Variants in CRACR2A observed in about 807,000 individuals in gnomAD.
The protein encoded by CRACR2A is calcium release activated channel regulator 2A, also known as EF-hand calcium-binding domain-containing protein 4B.
Under a neutral mutation model 90.5 loss-of-function variants are expected in CRACR2A, and 79 were observed. The observed-to-expected ratio is 0.87, with a 90% CI of 0.73 to 1.05. The LOEUF is 1.05. Ranked by LOEUF, CRACR2A falls within the 50% of genes least tolerant of loss-of-function variation. The pLI is 0.00. For missense variants in CRACR2A, 823 were observed against 897.2 expected, an observed-to-expected ratio of 0.92 and a Z score of 1.06; for synonymous variants, 338 against 356.7, an observed-to-expected ratio of 0.95 and a Z score of 0.59.
Position 3,678,934 on chromosome 12 carries a change from C to T in CRACR2A, c.505G>A (p.Ala169Thr). ...ACTTACTCTTCCAACACCTTTTGGG[C>T]TCCAAGTCTGTCCATCAGCATCCGG... ...QFRMLMDRLG[A>T]QKVLEDESDV... Residue 169 changes from alanine to threonine, a missense_variant, in exon 6 of 20, where the codon GCC (alanine) becomes ACC (threonine). By Grantham distance (58) the Ala-to-Thr change is moderately conservative. Coordinates refer to ENST00000440314, the MANE Select transcript of CRACR2A (RefSeq NM_001144958.2). 1 of 1,610,030 alleles carries T rather than the reference C, an allele frequency of 6.2e-7. No homozygotes were observed. The highest frequency in any genetic ancestry group is 8.5e-7 in the Non-Finnish European group (1 of 1,178,442).
Position 3,627,716 on chromosome 12 carries a change from G to A in CRACR2A, c.1736-10C>T, listed in dbSNP as rs1442994594. 1.9e-5 allele frequency: 29 copies of A among 1,551,616 alleles called. No homozygotes were observed. Among genetic ancestry groups the A allele is most frequent in the Non-Finnish European group, 2.4e-5 (28 of 1,146,980 alleles). On this transcript the variant is annotated splice_polypyrimidine_tract_variant and intron_variant, in intron 15 of 19. Transcript: ENST00000440314. ...ACACGGTAATCAATGCCTGCAGGGT[G>A]AAATGGGCCTGTCAGGGCTGCCCTG...
chr12:3,733,907 ACACAC>A (rs1591719958), intron 1 of CRACR2A, among the ~76,000 whole-genome samples: 2 of 141,490 alleles, frequency 1.4e-5, no homozygotes, highest in African/African-American at 2.6e-5. Context: ...ACACACACAC[ACACAC>A]TTTTCTCTCC....
intron 2 of CRACR2A, among the ~76,000 whole-genome samples, chr12:3,722,233 G>A (rs1376277594): frequency 6.6e-6 from 1 of 152,146 alleles, no homozygotes; most frequent in Non-Finnish European, 1.5e-5. Context: ...TTATTTTGCA[G>A]GTTATAAGGA....
chr12:3,736,772 C>T (rs552294841), intron 1 of CRACR2A, among the ~76,000 whole-genome samples: 55 of 152,238 alleles, frequency 3.6e-4, no homozygotes, highest in African/African-American at 1.3e-3. Context: ...AGATGGAGAA[C>T]GTTTAACGAA....
In CRACR2A at chr12:3,641,602, A is replaced by G. The variant is rs1011099523; in HGVS notation, c.1271+130T>C. The G allele has an allele frequency of 2.0e-5, 14 of 705,418 alleles. No individual in the cohort carries two copies. In the South Asian group the frequency reaches 2.5e-4, roughly 13 times the overall value. 43.7% of individuals were successfully genotyped at this position (705,418 alleles called of 1,614,324 possible). A position where few individuals can be genotyped will look rare whatever the true frequency, so the allele number is the denominator to read the frequency against. On this transcript the variant is annotated intron_variant, in intron 13 of 19. Transcript: ENST00000440314. ...GGAGGGGCATGTGTTCCAAGATTTG[A>G]GGGGAGTGAGTGCAGCTGACCTCAG...
At chr12:3,747,560 G>A (rs1297235864) in intron 1 of CRACR2A, among the ~76,000 whole-genome samples, 2 of 152,138 alleles carry the variant, frequency 1.3e-5, no homozygotes, top group African/African-American at 2.4e-5. Context: ...ACAAATCCTG[G>A]ACCTCAATGC....
chr12:3,654,005 G>A (rs1944847781), intron 10 of CRACR2A, among the ~76,000 whole-genome samples: 1 of 152,192 alleles, frequency 6.6e-6, no homozygotes, highest in Non-Finnish European at 1.5e-5. Flanking sequence ...TACATTTCTT[G>A]TCAATCCTAG....
intron 1 of CRACR2A, among the ~76,000 whole-genome samples, chr12:3,739,911 C>A (rs1033674957): frequency 7.1e-6 from 1 of 141,552 alleles, no homozygotes; most frequent in Non-Finnish European, 1.5e-5. Flanking sequence ...TCCAGCCTGG[C>A]GACAGAGCGA....
At chr12:3,690,879 C>G (rs1374623756) in intron 4 of CRACR2A, among the ~76,000 whole-genome samples, 1 of 152,146 alleles carries the variant, frequency 6.6e-6, no homozygotes, top group Non-Finnish European at 1.5e-5. Flanking sequence ...ATAGTTAGGT[C>G]TTCTTATTGA....
At chr12:3,722,820 C>A (rs558074495) in intron 2 of CRACR2A, among the ~76,000 whole-genome samples, 31 of 152,306 alleles carry the variant, frequency 2.0e-4, no homozygotes, top group African/African-American at 7.5e-4. Context: ...CTGGCTCTGA[C>A]TACAAATGTA....
intron 12 of CRACR2A, among the ~76,000 whole-genome samples, chr12:3,643,433 C>T (rs1471406704): frequency 6.6e-6 from 1 of 152,112 alleles, no homozygotes; most frequent in Non-Finnish European, 1.5e-5. Flanking sequence ...ACTTTCCTCG[C>T]GTGACAGCGG....
intron 4 of CRACR2A, among the ~76,000 whole-genome samples, chr12:3,680,948 C>T (rs1044356742): frequency 6.6e-6 from 1 of 151,782 alleles, no homozygotes; most frequent in African/African-American, 2.4e-5. Flanking sequence ...GAGAGAGAGA[C>T]TCATGGCCCA....
chr12:3,694,064 G>A (rs1307525638), intron 4 of CRACR2A, among the ~76,000 whole-genome samples: 2 of 152,128 alleles, frequency 1.3e-5, no homozygotes, highest in Non-Finnish European at 2.9e-5. Flanking sequence ...GAGTCCCCGT[G>A]CATGGTAGCC....
intron 4 of CRACR2A, among the ~76,000 whole-genome samples, chr12:3,687,008 C>T (rs1418402371): frequency 6.6e-6 from 1 of 152,102 alleles, no homozygotes. Context: ...GCACCCTGCC[C>T]TTTCTCCCTG....
intron 1 of CRACR2A, among the ~76,000 whole-genome samples, chr12:3,747,689 G>T (rs1160963393): frequency 6.6e-6 from 1 of 152,212 alleles, no homozygotes; most frequent in African/African-American, 2.4e-5. Context: ...GTCCCCTGGT[G>T]CTGCTGTGAG....
chr12:3,694,897 G>A (rs1311718705), intron 4 of CRACR2A, among the ~76,000 whole-genome samples: 2 of 152,234 alleles, frequency 1.3e-5, no homozygotes, highest in Non-Finnish European at 2.9e-5. Context: ...CGGCTTGGTG[G>A]CTTGTTGATT....
chr12:3,694,409 T>C (rs1945703210), intron 4 of CRACR2A, among the ~76,000 whole-genome samples: 1 of 152,206 alleles, frequency 6.6e-6, no homozygotes, highest in Non-Finnish European at 1.5e-5. Context: ...CTTTCTGAAT[T>C]TGTGTGTATA....
At chr12:3,691,840 T>C (rs1251530259) in intron 4 of CRACR2A, among the ~76,000 whole-genome samples, 1 of 152,260 alleles carries the variant, frequency 6.6e-6, no homozygotes. Context: ...GTTTTATTCA[T>C]TGATTCTCAT....
chr12:3,748,322 ACCTGGAGCATCAC>A, intron 1 of CRACR2A, among the ~76,000 whole-genome samples: 1 of 152,234 alleles, frequency 6.6e-6, no homozygotes. Flanking sequence ...TTCTAGAAAC[ACCTGGAGCATCAC>A]CCAGAGTCAG....
Sources: allele counts gnomAD v4.1 joint callset (sites outside exome capture counted in the v4.1 genomes callset), GRCh38; gene constraint gnomAD v4.1.1; transcripts MANE v1.5; gene names NCBI Gene and HGNC (gene_info 2026-07-23, HGNC 2026-07-21).